Variants in MOK observed in about 807,000 individuals in gnomAD.
The protein encoded by MOK is MOK protein kinase, also known as MAPK/MAK/MRK overlapping kinase.
MOK carries 59 observed loss-of-function variants against 54.2 expected under a neutral mutation model. That is an observed-to-expected ratio of 1.09 (90% CI 0.88 to 1.35). The LOEUF is 1.35. Among genes scored for constraint, MOK ranks in the 40% most tolerant of loss-of-function variants. MOK has a pLI of 0.00. For synonymous variants in MOK, 210 were observed against 202.7 expected (o/e 1.04, Z -0.31); for missense variants, 517 against 526.2 (o/e 0.98, Z 0.17).
intron 2 of MOK, 76 bp from the exon 3 acceptor site, chr14:102,265,988 G>T: frequency 1.9e-6 from 2 of 1,052,808 alleles, no homozygotes; most frequent in Non-Finnish European, 1.4e-6. Context: ...TATTATCCAG[G>T]ATCACAATTT....
intron 2 of MOK, among the ~76,000 whole-genome samples, chr14:102,269,989 A>C (rs2068223880): frequency 6.6e-6 from 1 of 152,242 alleles, no homozygotes; most frequent in South Asian, 2.1e-4. Context: ...CTTTTCAAGT[A>C]TATATGAAAC....
chr14:102,215,575 A>G, the MOK span, among the ~76,000 whole-genome samples: 25 of 152,142 alleles, frequency 1.6e-4, no homozygotes, highest in Admixed American at 3.3e-4. Context: ...TCTATGTTTT[A>G]AGCCCCGCAT....
rs115057204 is a variant in MOK at position 102,285,208 on chromosome 14, C to T, written c.8-1616G>A. 4.6e-3 allele frequency among the ~76,000 whole-genome samples: 703 copies of T among 151,944 alleles called. 6 individuals are homozygous for T. The highest frequency in any genetic ancestry group is 0.016 in the African/African-American group (652 of 41,430). On this transcript the variant is annotated intron_variant, in intron 1 of 11. Coordinates refer to ENST00000361847, the MANE Select transcript of MOK (RefSeq NM_014226.3). ...AACATCACTTAGATTGTGGCAGAAA[C>T]AAGCCTAGAGTAAAAGAGGCCTTCA...
chr14:102,223,028 C>A, downstream of MOK: 1 of 899,886 alleles, frequency 1.1e-6, no homozygotes, highest in South Asian at 1.5e-5. Context: ...GTGACCGGCT[C>A]ACTCTGCGGC....
rs983221177 is a variant in MOK, at chr14:102,235,951, C to T, written c.591-2162G>A. On this transcript the variant is annotated intron_variant, in intron 7 of 11. Coordinates refer to ENST00000361847, the MANE Select transcript of MOK (RefSeq NM_014226.3). The surrounding 1 kb of genome is among the most constrained non-coding windows in gnomAD (Gnocchi z 4.4). ...AGCAGCGGCTGTCCATCAACCCAGC[C>T]GTATCACCCAAGGGCACAAAAGACC... 6.6e-6 allele frequency among the ~76,000 whole-genome samples: 1 copy of T among 152,150 alleles called. No individual in the cohort carries two copies. Among genetic ancestry groups the T allele is most frequent in the African/African-American group, 2.4e-5 (1 of 41,438 alleles).
chr14:102,229,782 T>A, intron 10 of MOK, 125 bp from the exon 11 acceptor site: 1 of 876,662 alleles, frequency 1.1e-6, no homozygotes, highest in Non-Finnish European at 1.7e-6. Context: ...AAGATGTGAC[T>A]GGGACACATC....
At chr14:102,298,928 G>A (rs534247803) in intron 1 of MOK, among the ~76,000 whole-genome samples, 245 of 152,232 alleles carry the variant, frequency 1.6e-3, no homozygotes, top group African/African-American at 5.7e-3. Context: ...AACACTCACC[G>A]CGAAGGTCTG....
At chr14:102,261,409 AAAAAAAAAAATATATAT>A (rs2067410726) in intron 4 of MOK, among the ~76,000 whole-genome samples, 1 of 79,718 alleles carries the variant, frequency 1.3e-5, no homozygotes, top group African/African-American at 5.3e-5. Context: ...AAAAAAAAAA[AAAAAAAAAAATATATAT>A]ATATATATAT....
intron 2 of MOK, among the ~76,000 whole-genome samples, chr14:102,274,625 G>C (rs2068681228): frequency 6.6e-6 from 1 of 151,618 alleles, no homozygotes; most frequent in Admixed American, 6.6e-5. Context: ...AAATTGAGCT[G>C]ATTCTAAAAT....
Position 102,231,729 on chromosome 14 carries a change from A to T in MOK, c.959T>A (p.Ile320Asn), listed in dbSNP as rs2064731317. ...TACCTGCTTTCTGCCCTCCTTGGAA[A>T]TCTGGCAGCTGTTACTGAGTGGTTC... Reference protein sequence around the residue: ...APEPLSNSCQISKEGRKQKQS... With the variant: ...APEPLSNSCQNSKEGRKQKQS... The change falls in exon 10 of 12, where the codon ATT (isoleucine) becomes AAT (asparagine). Residue 320 changes from isoleucine (I) to asparagine (N), a missense_variant. Transcript: ENST00000361847. This position sits in a 1 kb window ranked among gnomAD's most constrained non-coding sequence, Gnocchi z 4.4. 1 of 1,611,352 alleles carries T rather than the reference A, an allele frequency of 6.2e-7. No homozygotes were observed. Among genetic ancestry groups the T allele is most frequent in the Non-Finnish European group, 8.5e-7 (1 of 1,178,996 alleles).
At chr14:102,287,820 ATTTTTT>A (rs71116893) in intron 1 of MOK, among the ~76,000 whole-genome samples, 6 of 117,922 alleles carry the variant, frequency 5.1e-5, no homozygotes, top group African/African-American at 1.8e-4. Flanking sequence ...GTTCTTTGAG[ATTTTTT>A]TTTTTTTTTT....
intron 1 of MOK, among the ~76,000 whole-genome samples, chr14:102,290,742 T>A (rs981306371): frequency 1.3e-5 from 2 of 152,162 alleles, no homozygotes; most frequent in African/African-American, 4.8e-5. Flanking sequence ...CCCTGAACCC[T>A]AATGGGTATT....
the MOK span, among the ~76,000 whole-genome samples, chr14:102,216,266 C>T: frequency 6.6e-6 from 1 of 152,230 alleles, no homozygotes. Flanking sequence ...GGGCCTACGA[C>T]TGCCACAAGA....
chr14:102,269,281 G>A (rs967181734), intron 2 of MOK, among the ~76,000 whole-genome samples: 4 of 151,816 alleles, frequency 2.6e-5, no homozygotes, highest in African/African-American at 7.3e-5. Context: ...CCACCTCCCA[G>A]GTGCAAGCTA....
chr14:102,229,016 G>C lies in MOK; in HGVS notation c.*273C>G, dbSNP rs2064384975. The C allele has an allele frequency of 2.1e-6, 1 of 482,462 alleles. No individual in the cohort carries two copies. Among genetic ancestry groups the C allele is most frequent in the Non-Finnish European group, 3.6e-6 (1 of 275,362 alleles). The allele number at this position is 482,462 out of a possible 1,614,324, so 29.9% of individuals were successfully genotyped here. A position where few individuals can be genotyped will look rare whatever the true frequency, so the allele number is the denominator to read the frequency against. ...TCGTTTGTTTTGATTCATATACAAA[G>C]TTACAAAGTATTTCCTGCCCCAAAT... On this transcript the variant is annotated 3_prime_UTR_variant, in exon 12 of 12. Transcript: ENST00000361847.
At chr14:102,302,421 T>G (rs776826863) in intron 1 of MOK, among the ~76,000 whole-genome samples, 84 of 151,924 alleles carry the variant, frequency 5.5e-4, no homozygotes, top group Non-Finnish European at 1.1e-3. Flanking sequence ...ATATTTATTT[T>G]CTTTTTTTTT....
intron 2 of MOK, among the ~76,000 whole-genome samples, chr14:102,272,141 G>C (rs2068425721): frequency 6.6e-6 from 1 of 152,136 alleles, no homozygotes; most frequent in Admixed American, 6.6e-5. Flanking sequence ...AATGTGCTGG[G>C]ATTAAAGGTA....
In MOK at chr14:102,238,308, C is replaced by CA. The variant is rs2065399367; in HGVS notation, c.591-4520dup. On this transcript the variant is annotated intron_variant, in intron 7 of 11. Coordinates refer to ENST00000361847, the MANE Select transcript of MOK (RefSeq NM_014226.3). The surrounding 1 kb of genome is among the most constrained non-coding windows in gnomAD (Gnocchi z 4.8). ...TAACCCTTTCCAAAGGCAAACGAGT[C>CA]AACACTTACACAGACTCCAAAGATG... The CA allele has an allele frequency of 6.6e-6, 1 of 152,228 alleles. No homozygotes were observed. The highest frequency in any genetic ancestry group is 1.5e-5 in the Non-Finnish European group (1 of 68,064). The allele number at this position is 152,228 out of a possible 1,614,324, so 9.4% of individuals were successfully genotyped here.
chr14:102,214,677 A>G, the MOK span: 1 of 983,506 alleles, frequency 1.0e-6, no homozygotes, highest in Non-Finnish European at 1.2e-6. Context: ...TTGAGTGAAA[A>G]TCAAAAGTAA....
Sources: allele counts gnomAD v4.1 joint callset (sites outside exome capture counted in the v4.1 genomes callset), GRCh38; gene constraint gnomAD v4.1.1; non-coding constraint Gnocchi (gnomAD v3.1); transcripts MANE v1.5; gene names NCBI Gene and HGNC (gene_info 2026-07-23, HGNC 2026-07-21).